EXOC4: variants seen among roughly 807,000 people sequenced by gnomAD.
EXOC4 encodes the protein exocyst complex component 4, also known as SEC8-like 1.
Under a neutral mutation model 107.2 loss-of-function variants are expected in EXOC4, and 71 were observed. The ratio of observed to expected loss-of-function variants is 0.66; its 90% CI spans 0.55 to 0.81. The LOEUF is 0.81. Among genes scored for constraint, EXOC4 ranks in the 30% least tolerant of loss-of-function variants. EXOC4 has a pLI of 0.00. For synonymous variants in EXOC4, 456 were observed against 441.2 expected, an observed-to-expected ratio of 1.03 and a Z score of -0.42; for missense variants, 1,108 against 1,189.6, an observed-to-expected ratio of 0.93 and a Z score of 1.01.
In EXOC4 at chr7:133,464,810, G is replaced by GTTTTTTTTTTT. The variant is rs1491525276; in HGVS notation, c.1183-10518_1183-10517insTTTTTTTTTTT. The stretch of plus-strand genomic sequence containing the variant: ...GTTTTTTTTTTTTGTTGGTTGGGTT[G>GTTTTTTTTTTT]GTTTTTTTTTTTTTTTTTTTTTTTT... On this transcript the variant is annotated intron_variant, in intron 7 of 17. Coordinates refer to ENST00000253861, the MANE Select transcript of EXOC4 (RefSeq NM_021807.4). 1.6e-4 allele frequency among the ~76,000 whole-genome samples: 17 copies of GTTTTTTTTTTT among 105,672 alleles called. 1 individual carries two copies. Among genetic ancestry groups the GTTTTTTTTTTT allele is most frequent in the East Asian group, 1.4e-3 (4 of 2,912 alleles). The allele number at this position is 105,672 out of a possible 152,430, so 69.3% of individuals were successfully genotyped here.
intron 9 of EXOC4, among the ~76,000 whole-genome samples, chr7:133,542,377 T>C (rs1800397571): frequency 6.6e-6 from 1 of 152,128 alleles, no homozygotes; most frequent in South Asian, 2.1e-4. Context: ...TCCTATCCTC[T>C]CTGAGCATGC....
intron 11 of EXOC4, among the ~76,000 whole-genome samples, chr7:133,849,232 G>A (rs1402169296): frequency 2.0e-5 from 3 of 152,090 alleles, no homozygotes; most frequent in African/African-American, 7.2e-5. Flanking sequence ...ACCAGCCTGG[G>A]CAGCATAGCA....
intron 7 of EXOC4, among the ~76,000 whole-genome samples, chr7:133,398,633 T>G (rs1476230421): frequency 6.6e-6 from 1 of 152,216 alleles, no homozygotes; most frequent in African/African-American, 2.4e-5. Context: ...CTTTCTTTTT[T>G]TAAGCCAGGT....
chr7:134,010,007 C>T (rs1218378034), intron 17 of EXOC4: 2 of 152,010 alleles, frequency 1.3e-5, no homozygotes, highest in African/African-American at 2.4e-5. Context: ...GAAGTAGGTA[C>T]AAGTGGCATG....
chr7:134,018,449 C>A (rs1585325606), intron 17 of EXOC4, among the ~76,000 whole-genome samples: 1 of 152,188 alleles, frequency 6.6e-6, no homozygotes, highest in Admixed American at 6.5e-5. Context: ...TCATTCCCAC[C>A]TCCTGCTTTA....
chr7:133,789,071 A>G (rs1303173789), intron 10 of EXOC4, among the ~76,000 whole-genome samples: 1 of 152,116 alleles, frequency 6.6e-6, no homozygotes, highest in Admixed American at 6.6e-5. Context: ...CTTGCCATAT[A>G]GTCTGGTTTT....
At chr7:133,651,892 C>T (rs2151035507) in intron 10 of EXOC4, among the ~76,000 whole-genome samples, 1 of 152,206 alleles carries the variant, frequency 6.6e-6, no homozygotes, top group Admixed American at 6.5e-5. Context: ...ACCATGTTGG[C>T]CAGGCTGGTC....
intron 11 of EXOC4, among the ~76,000 whole-genome samples, chr7:133,820,705 T>C (rs1797500058): frequency 6.6e-6 from 1 of 152,230 alleles, no homozygotes; most frequent in Non-Finnish European, 1.5e-5. Flanking sequence ...AGGACATGCC[T>C]TTCCCTGTGG....
intron 3 of EXOC4, among the ~76,000 whole-genome samples, chr7:133,297,323 A>C (rs564627112): frequency 6.6e-6 from 1 of 152,262 alleles, no homozygotes; most frequent in East Asian, 1.9e-4. Flanking sequence ...ACTCTTTAGA[A>C]CTGTCATTTT....
At chr7:133,290,671 G>A (rs918193491) in intron 3 of EXOC4, among the ~76,000 whole-genome samples, 35 of 152,102 alleles carry the variant, frequency 2.3e-4, no homozygotes, top group Admixed American at 6.5e-4. Context: ...TTGTGTTACG[G>A]TCTTTGTTCT....
intron 3 of EXOC4, among the ~76,000 whole-genome samples, chr7:133,291,966 C>T (rs1197755402): frequency 1.3e-5 from 2 of 152,144 alleles, no homozygotes; most frequent in East Asian, 3.9e-4. Context: ...TTTGTACCTG[C>T]ACCCAAACCA....
chr7:133,565,166 G>A (rs1357194743), intron 9 of EXOC4, among the ~76,000 whole-genome samples: 1 of 152,142 alleles, frequency 6.6e-6, no homozygotes, highest in Non-Finnish European at 1.5e-5. Context: ...GGAGCCAAGG[G>A]AGGAGCTAAT....
chr7:134,007,730 G>A lies in EXOC4; in HGVS notation c.2582G>A (p.Arg861His). The change falls in exon 17 of 18, where the codon CGC (arginine) becomes CAC (histidine). Residue 861 changes from arginine to histidine, a missense_variant. Physicochemically the swap from Arg to His is conservative, Grantham distance 29. Coordinates refer to ENST00000253861, the MANE Select transcript of EXOC4 (RefSeq NM_021807.4). ...ATTAATGGTGCCCAGTACTTCAGGC[G>A]CATCAGTGAGTCTGGCATCAAGAAA... ...ILINGAQYFRRISESGIKKMC... is the reference protein window; with the variant it reads ...ILINGAQYFRHISESGIKKMC... 5 of 1,613,438 alleles carry A rather than the reference G, an allele frequency of 3.1e-6. No homozygotes were observed. Among genetic ancestry groups the A allele is most frequent in the Non-Finnish European group, 3.4e-6 (4 of 1,179,682 alleles).
intron 8 of EXOC4, among the ~76,000 whole-genome samples, chr7:133,476,557 G>A (rs1799018435): frequency 6.6e-6 from 1 of 152,104 alleles, no homozygotes; most frequent in African/African-American, 2.4e-5. Context: ...TAGATTTTTA[G>A]TGTTTTTAAT....
chr7:133,667,796 AT>A (rs1459502687), intron 10 of EXOC4, among the ~76,000 whole-genome samples: 1 of 152,168 alleles, frequency 6.6e-6, no homozygotes, highest in Non-Finnish European at 1.5e-5. Context: ...GGAACTTTAA[AT>A]TGTTCCAACA....
At chr7:133,580,119 C>T (rs541770535) in intron 9 of EXOC4, among the ~76,000 whole-genome samples, 5 of 152,334 alleles carry the variant, frequency 3.3e-5, no homozygotes, top group Admixed American at 2.6e-4. Flanking sequence ...CCATGTGACA[C>T]TATGTGTCAG....
intron 11 of EXOC4, among the ~76,000 whole-genome samples, chr7:133,823,882 AT>A (rs1563015002): frequency 3.3e-4 from 7 of 20,920 alleles, no homozygotes; most frequent in Non-Finnish European, 4.3e-4. Flanking sequence ...TTATATATAT[AT>A]ATATATATAT....
chr7:133,583,806 A>G (rs1801333719), intron 9 of EXOC4, among the ~76,000 whole-genome samples: 1 of 152,182 alleles, frequency 6.6e-6, no homozygotes, highest in African/African-American at 2.4e-5. Flanking sequence ...GGAGGAAGAA[A>G]TGATAAAGCT....
intron 17 of EXOC4, among the ~76,000 whole-genome samples, chr7:134,057,541 C>T (rs1047381234): frequency 6.6e-6 from 1 of 152,012 alleles, no homozygotes; most frequent in Non-Finnish European, 1.5e-5. Flanking sequence ...TTAAGCTCTT[C>T]GAAGGGGAAT....
Sources: gnomAD v4.1 joint callset for allele counts (sites outside exome capture counted in the v4.1 genomes callset) on GRCh38, gnomAD v4.1.1 for gene constraint, MANE v1.5 for transcripts, NCBI Gene and HGNC (gene_info 2026-07-23, HGNC 2026-07-21) for gene names.